CCDC82: variants seen among roughly 807,000 people sequenced by gnomAD.
The protein encoded by CCDC82 is coiled-coil domain containing 82, also known as coiled-coil domain-containing protein 82.
CCDC82 carries 47 observed loss-of-function variants against 60.6 expected under a neutral mutation model. That is an observed-to-expected ratio of 0.77 (90% confidence interval 0.61 to 0.99). The LOEUF is 0.99. Ranked by LOEUF, CCDC82 falls within the 50% of genes least tolerant of loss-of-function variation. The pLI, the probability that CCDC82 is intolerant of heterozygous loss-of-function variation, is 0.00. For synonymous variants in CCDC82, 212 were observed against 207.4 expected (o/e 1.02, Z -0.19); for missense variants, 588 against 633.0 (o/e 0.93, Z 0.76).
chr11:96,377,096 C>T (rs1865614800), intron 5 of CCDC82, among the ~76,000 whole-genome samples: 1 of 152,116 alleles, frequency 6.6e-6, no homozygotes, highest in Non-Finnish European at 1.5e-5. Flanking sequence ...TAGGTAAAAG[C>T]ATGTAGATTT....
chr11:96,365,182 A>C, intron 7 of CCDC82, 32 bp from the exon 8 acceptor site: 2 of 1,343,478 alleles, frequency 1.5e-6, no homozygotes, highest in Non-Finnish European at 2.0e-6. Flanking sequence ...AAAAGTTTAA[A>C]AGATAAAGAA....
rs150660194 is a variant in CCDC82, at chr11:96,370,516, T to C, written c.1209+497A>G. 2.5e-3 allele frequency among the ~76,000 whole-genome samples: 385 copies of C among 152,270 alleles called. 1 individual carries two copies. The highest frequency in any genetic ancestry group is 7.1e-3 in the African/African-American group (296 of 41,550). Reference sequence around the variant, plus strand: ...CCAGTGTTTCCCAAACAATGTGTTATGGAAATCAAGCAGGTAACAGGTGTT... The same window carrying C: ...CCAGTGTTTCCCAAACAATGTGTTACGGAAATCAAGCAGGTAACAGGTGTT... On this transcript the variant is annotated intron_variant, in intron 7 of 9. Transcript: ENST00000646818.
intron 5 of CCDC82, among the ~76,000 whole-genome samples, chr11:96,378,675 T>A (rs1237317106): frequency 2.0e-5 from 3 of 151,986 alleles, no homozygotes; most frequent in African/African-American, 7.2e-5. Flanking sequence ...GAGTACTGGA[T>A]AAATAATATT....
Position 96,384,695 on chromosome 11 carries a change from G to C in CCDC82, c.53C>G (p.Pro18Arg). The C allele has an allele frequency of 6.2e-7, 1 of 1,612,174 alleles. No individual in the cohort carries two copies. The highest frequency in any genetic ancestry group is 1.1e-5 in the South Asian group (1 of 90,590). The change falls in exon 4 of 10, where the codon CCT (proline) becomes CGT (arginine). Residue 18 changes from proline to arginine, a missense_variant. Physicochemically the swap from Pro to Arg is moderately radical, Grantham distance 103 (BLOSUM62 -2). Coordinates refer to ENST00000646818, the MANE Select transcript of CCDC82 (RefSeq NM_024725.4). ...ETRRNSKSHV[P>R]EQKSRVDWRR... Reference sequence around the variant, plus strand: ...CCAATCAACTCGAGATTTCTGCTCAGGCACGTGACTCTTAGAATTTCTCCT... The same window carrying C: ...CCAATCAACTCGAGATTTCTGCTCACGCACGTGACTCTTAGAATTTCTCCT...
chr11:96,362,593 T>C (rs1033849905), intron 8 of CCDC82, among the ~76,000 whole-genome samples: 6 of 152,162 alleles, frequency 3.9e-5, no homozygotes, highest in African/African-American at 1.2e-4. Context: ...ACCTTTCAGA[T>C]TTCACAACTC....
At chr11:96,372,792 G>A (rs1463321603) in intron 6 of CCDC82, among the ~76,000 whole-genome samples, 1 of 147,590 alleles carries the variant, frequency 6.8e-6, no homozygotes, top group African/African-American at 2.5e-5. Context: ...ACTATGATAA[G>A]GGAAGAAAGC....
intron 9 of CCDC82, chr11:96,357,787 G>T (rs1038568171): frequency 5.2e-5 from 51 of 985,240 alleles, no homozygotes; most frequent in African/African-American, 7.0e-5. Flanking sequence ...AAATGAAGAC[G>T]GGAAGTTATT....
At chr11:96,364,299 A>G (rs961680184) in intron 8 of CCDC82, 1 of 152,158 alleles carries the variant, frequency 6.6e-6, no homozygotes, top group Admixed American at 6.5e-5. Flanking sequence ...CCAATTCTGA[A>G]TTCATTATCC....
intron 6 of CCDC82, among the ~76,000 whole-genome samples, chr11:96,371,821 G>A (rs1439291967): frequency 6.6e-6 from 1 of 152,124 alleles, no homozygotes; most frequent in Admixed American, 6.5e-5. Context: ...CTCTTTTCTA[G>A]CTAGGCGTTT....
intron 6 of CCDC82, 93 bp from the exon 7 acceptor site, chr11:96,371,230 GAAGC>G (rs1865247295): frequency 3.6e-6 from 3 of 833,930 alleles, no homozygotes; most frequent in Non-Finnish European, 5.0e-6. Flanking sequence ...AACTTGGTTG[GAAGC>G]ATTTTAAATT....
In CCDC82 at chr11:96,383,283, T is replaced by C. The variant is rs138476594; in HGVS notation, c.977A>G (p.Lys326Arg). 5.8e-5 allele frequency: 91 copies of C among 1,556,290 alleles called. 1 individual carries two copies. In the African/African-American group the frequency reaches 1.0e-3, roughly 17 times the overall value. The change falls in exon 5 of 10, where the codon AAA (lysine) becomes AGA (arginine). Residue 326 changes from lysine (K) to arginine (R), a missense_variant. Transcript: ENST00000646818. ...KLTTSQLKLV[K>R]QNSLYSFSDH... ...ATTGAACTTACAAAGAGAATTCTGT[T>C]TTACTAATTTCAGTTGTGATGTAGT...
chr11:96,360,904 CA>C (rs1443423654), intron 8 of CCDC82, among the ~76,000 whole-genome samples: 1 of 152,176 alleles, frequency 6.6e-6, no homozygotes, highest in Non-Finnish European at 1.5e-5. Flanking sequence ...TTCAAATCTC[CA>C]AAAGTTTAAG....
chr11:96,384,119 G>T lies in CCDC82; in HGVS notation c.629C>A (p.Pro210His). The T allele has an allele frequency of 6.2e-7, 1 of 1,613,592 alleles. No homozygotes were observed. Among genetic ancestry groups the T allele is most frequent in the Non-Finnish European group, 8.5e-7 (1 of 1,179,728 alleles). Residue 210 changes from proline (P) to histidine (H), a missense_variant, in exon 4 of 10, where the codon CCC becomes CAC. By Grantham distance (77) the Pro-to-His change is moderately conservative (BLOSUM62 -2). Coordinates refer to ENST00000646818, the MANE Select transcript of CCDC82 (RefSeq NM_024725.4). ...ACCTTCATCTTCAACCACTCTACGG[G>T]GACGTTTAACACCTACTTTTCTAAC... ...ILVRKVGVKR[P>H]RRVVEDEGSS...
At chr11:96,385,822 T>C (rs1403103412) in intron 3 of CCDC82, 1 of 152,106 alleles carries the variant, frequency 6.6e-6, no homozygotes, top group African/African-American at 2.4e-5. Flanking sequence ...AAAAATAACA[T>C]ATGTAGTTCT....
rs7936234 is a variant in CCDC82 at position 96,373,573 on chromosome 11, C to A, written c.992-106G>T. The A allele has an allele frequency of 0.21, 129,891 of 626,570 alleles. 14,196 individuals are homozygous for A. The highest frequency in any genetic ancestry group is 0.34 in the East Asian group (11,020 of 32,678). The allele number at this position is 626,570 out of a possible 1,614,324, so 38.8% of individuals were successfully genotyped here. ...TAAGAAATTAAAACTATAGATAGCACAAACAGCTTAATCATCCTAATTTTA... is the reference window on the plus strand; with the variant it reads ...TAAGAAATTAAAACTATAGATAGCAAAAACAGCTTAATCATCCTAATTTTA... On this transcript the variant is annotated intron_variant, in intron 5 of 9. Coordinates refer to ENST00000646818, the MANE Select transcript of CCDC82 (RefSeq NM_024725.4).
In CCDC82 at chr11:96,359,164, G is replaced by T; in HGVS notation, c.1395C>A (p.Gly465=). ...MSHDKQVFTV[G]RICASRTRIY... ...TTCTGGTACGGCTGGCACAAATTCT[G>T]CCAACAGTGAACACCTAAATCAAGA... The change falls in exon 9 of 10, where the codon GGC becomes GGA. Residue 465 remains glycine, a synonymous_variant. Transcript: ENST00000646818. 1 of 1,575,386 alleles carries T rather than the reference G, an allele frequency of 6.3e-7. No homozygotes were observed. The highest frequency in any genetic ancestry group is 1.2e-5 in the South Asian group (1 of 83,290).
chr11:96,356,748 CG>C, intron 9 of CCDC82: 1 of 981,412 alleles, frequency 1.0e-6, no homozygotes, highest in Non-Finnish European at 1.2e-6. Flanking sequence ...ACATTAAAAA[CG>C]GATCACCCTA....
At chr11:96,374,711 G>T (rs932070458) in intron 5 of CCDC82, among the ~76,000 whole-genome samples, 2 of 151,900 alleles carry the variant, frequency 1.3e-5, no homozygotes, top group Admixed American at 1.3e-4. Flanking sequence ...CATCACCCAG[G>T]AATTAGACCC....
chr11:96,379,151 G>T (rs1865739055), intron 5 of CCDC82, among the ~76,000 whole-genome samples: 1 of 151,928 alleles, frequency 6.6e-6, no homozygotes, highest in African/African-American at 2.4e-5. Context: ...TCGTAGAGTG[G>T]TGTTCATTAT....
Sources: allele counts gnomAD v4.1 joint callset (sites outside exome capture counted in the v4.1 genomes callset), GRCh38; gene constraint gnomAD v4.1.1; transcripts MANE v1.5; gene names NCBI Gene and HGNC (gene_info 2026-07-23, HGNC 2026-07-21).